Variants in TIMM23B observed in about 807,000 individuals in gnomAD.
The protein encoded by TIMM23B is translocase of inner mitochondrial membrane 23 homolog B.
TIMM23B carries 27 observed loss-of-function variants against 27.3 expected under a neutral mutation model. The ratio of observed to expected loss-of-function variants is 0.99; its 90% CI spans 0.73 to 1.36. The LOEUF is 1.36. Ranked by LOEUF, TIMM23B falls within the 40% of genes most tolerant of loss-of-function variation. TIMM23B has a pLI of 0.00. For synonymous variants in TIMM23B, 73 were observed against 92.4 expected (o/e 0.79, Z 1.21); for missense variants, 205 against 244.2 (o/e 0.84, Z 1.07).
intron 6 of TIMM23B, among the ~76,000 whole-genome samples, chr10:49,959,568 A>AT (rs1293379393): frequency 6.6e-6 from 1 of 152,138 alleles, no homozygotes; most frequent in Non-Finnish European, 1.5e-5. Context: ...CACATACGTG[A>AT]TTTTTTAAGT....
At chr10:49,964,539 T>A (rs1554855111) in intron 6 of TIMM23B, among the ~76,000 whole-genome samples, 4 of 143,074 alleles carry the variant, frequency 2.8e-5, no homozygotes, top group African/African-American at 5.2e-5. Flanking sequence ...ATAGAGGGAG[T>A]CTCCGTCTCG....
At chr10:49,946,227 A>G (rs1839352823) in intron 2 of TIMM23B, among the ~76,000 whole-genome samples, 1 of 149,336 alleles carries the variant, frequency 6.7e-6, no homozygotes, top group Admixed American at 6.7e-5. Flanking sequence ...AAGGGACTTC[A>G]GCCTGTTAAA....
intron 1 of TIMM23B, among the ~76,000 whole-genome samples, chr10:49,942,986 G>A (rs1391222107): frequency 5.9e-5 from 9 of 152,086 alleles, no homozygotes; most frequent in African/African-American, 9.7e-5. Context: ...TAGATAAATA[G>A]AACTTGGACC....
At chr10:49,943,457 G>A (rs1839233462) in intron 1 of TIMM23B, 2 of 151,804 alleles carry the variant, frequency 1.3e-5, no homozygotes, top group African/African-American at 4.8e-5. Flanking sequence ...TCAAACTCTC[G>A]AACTCAGGCC....
intron 1 of TIMM23B, among the ~76,000 whole-genome samples, chr10:49,943,737 GTTTTTTTT>G (rs35547755): frequency 5.2e-4 from 59 of 113,614 alleles, no homozygotes; most frequent in African/African-American, 2.0e-3. Context: ...GTTTTTGTGG[GTTTTTTTT>G]TTTTTTTTTT....
At chr10:49,956,222 C>T (rs1328099387) in intron 5 of TIMM23B, among the ~76,000 whole-genome samples, 13 of 151,718 alleles carry the variant, frequency 8.6e-5, no homozygotes, top group South Asian at 8.3e-4. Context: ...AGGCTGAGCG[C>T]GGTGTATTGT....
chr10:49,969,521 T>C (rs1840323547), intron 6 of TIMM23B, among the ~76,000 whole-genome samples: 1 of 150,630 alleles, frequency 6.6e-6, no homozygotes, highest in African/African-American at 2.4e-5. Flanking sequence ...AGTTGGAGAC[T>C]AGCCTGGACA....
At chr10:49,945,796 A>G (rs1839337900) in intron 2 of TIMM23B, among the ~76,000 whole-genome samples, 1 of 152,214 alleles carries the variant, frequency 6.6e-6, no homozygotes, top group South Asian at 2.1e-4. Flanking sequence ...AATTTATAAT[A>G]AAGCAATCAA....
intron 5 of TIMM23B, among the ~76,000 whole-genome samples, chr10:49,957,094 C>T (rs1208980712): frequency 1.3e-5 from 2 of 151,724 alleles, no homozygotes; most frequent in East Asian, 1.9e-4. Context: ...TTGGATACTT[C>T]TGATGCTGAT....
intron 6 of TIMM23B, among the ~76,000 whole-genome samples, chr10:49,966,691 A>G (rs1840176852): frequency 6.6e-6 from 1 of 152,114 alleles, no homozygotes; most frequent in Non-Finnish European, 1.5e-5. Context: ...CGGGCATGAT[A>G]GCGGGTGCCT....
At chr10:49,971,941 G>A (rs1448907419) in intron 6 of TIMM23B, among the ~76,000 whole-genome samples, 7 of 152,134 alleles carry the variant, frequency 4.6e-5, no homozygotes, top group Admixed American at 1.3e-4. Context: ...AGATCCCTTC[G>A]TTGGTTTAGT....
chr10:49,968,025 C>T (rs1349207667), intron 6 of TIMM23B, among the ~76,000 whole-genome samples: 85 of 152,262 alleles, frequency 5.6e-4, no homozygotes, highest in Non-Finnish European at 2.2e-4. Flanking sequence ...TCTTTTTCAA[C>T]ATAATTTGGC....
At chr10:49,965,845 TAAATGATA>T (rs1554855342) in intron 6 of TIMM23B, among the ~76,000 whole-genome samples, 1 of 136,042 alleles carries the variant, frequency 7.4e-6, no homozygotes, top group African/African-American at 2.8e-5. Flanking sequence ...TAAATGAAAC[TAAATGATA>T]AAATGGAATA....
chr10:49,952,009 T>A, intron 2 of TIMM23B, 117 bp from the exon 3 acceptor site: 1 of 706,086 alleles, frequency 1.4e-6, no homozygotes, highest in Admixed American at 2.9e-5. Context: ...AAGTATAGGT[T>A]TGAGTTAATT....
intron 6 of TIMM23B, among the ~76,000 whole-genome samples, chr10:49,968,141 TAAC>T (rs1840245520): frequency 6.6e-6 from 1 of 152,002 alleles, no homozygotes; most frequent in African/African-American, 2.4e-5. Flanking sequence ...TTTAGGTTCT[TAAC>T]AAGGTTTTTC....
chr10:49,973,308 G>C lies in TIMM23B; in HGVS notation c.*244G>C, dbSNP rs1373104071. The stretch of plus-strand genomic sequence containing the variant: ...TTACTCACCTCATTTATATTGACTT[G>C]TAAATTAGTAATTTCTGAACTATTA... On this transcript the variant is annotated 3_prime_UTR_variant, in exon 7 of 7. Coordinates refer to ENST00000651259, the MANE Select transcript of TIMM23B (RefSeq NM_001290117.2). The C allele has an allele frequency of 1.8e-5, 8 of 456,196 alleles. No homozygotes were observed. Among genetic ancestry groups the C allele is most frequent in the Non-Finnish European group, 3.1e-5 (8 of 260,288 alleles). The allele number at this position is 456,196 out of a possible 1,614,324, so 28.3% of individuals were successfully genotyped here.
chr10:49,952,275 G>A lies in TIMM23B; in HGVS notation c.259+56G>A, dbSNP rs1379156641. 98 of 1,523,808 alleles carry A rather than the reference G, an allele frequency of 6.4e-5. No individual in the cohort carries two copies. In the African/African-American group the frequency reaches 9.8e-4, roughly 15 times the overall value. 94.4% of individuals were successfully genotyped at this position (1,523,808 alleles called of 1,614,324 possible). ...GCTCAGTTCAAGTAGTTGAGGGTGC[G>A]TAAAATCAAAAGCAATTAGAATGTT... On this transcript the variant is annotated intron_variant, in intron 3 of 6. Transcript: ENST00000651259.
intron 6 of TIMM23B, among the ~76,000 whole-genome samples, chr10:49,964,836 G>C (rs1840067302): frequency 1.3e-5 from 2 of 151,794 alleles, no homozygotes; most frequent in Admixed American, 1.3e-4. Flanking sequence ...ATGAAATGCT[G>C]GCTGTGGTGA....
rs1839244656 is a variant in TIMM23B, at chr10:49,943,658, A to G, written c.106+1358A>G. Among the ~76,000 whole-genome samples, 5 of 151,608 alleles carry G rather than the reference A, an allele frequency of 3.3e-5. No individual in the cohort carries two copies. In the South Asian group the frequency reaches 1.0e-3, roughly 32 times the overall value. On this transcript the variant is annotated intron_variant, in intron 1 of 6. Transcript: ENST00000651259. ...AGATTTGAAGGTAAATTGGGGGACC[A>G]GGGAATGAACACCATTTACTGAGCT...
Sources: allele counts gnomAD v4.1 joint callset (sites outside exome capture counted in the v4.1 genomes callset), GRCh38; gene constraint gnomAD v4.1.1; transcripts MANE v1.5; gene names NCBI Gene and HGNC (gene_info 2026-07-23, HGNC 2026-07-21).